Variants in EXOC6B observed in about 807,000 individuals in gnomAD.
The protein encoded by EXOC6B is exocyst complex component 6B.
Under a neutral mutation model 113.5 loss-of-function variants are expected in EXOC6B, and 54 were observed. The observed-to-expected ratio is 0.48, with a 90% CI of 0.38 to 0.60. EXOC6B has a LOEUF of 0.60. Ranked by LOEUF, EXOC6B falls within the 20% of genes least tolerant of loss-of-function variation. The pLI is 0.00. For synonymous variants in EXOC6B, 357 were observed against 339.0 expected, an observed-to-expected ratio of 1.05 and a Z score of -0.58; for missense variants, 797 against 977.5, an observed-to-expected ratio of 0.82 and a Z score of 2.46.
intron 20 of EXOC6B, among the ~76,000 whole-genome samples, chr2:72,191,003 AAC>A (rs1678795994): frequency 6.6e-6 from 1 of 152,226 alleles, no homozygotes; most frequent in South Asian, 2.1e-4. Flanking sequence ...TTTGATTTCA[AAC>A]ACAGAGTTAT....
At chr2:72,645,237 T>C (rs1573545901) in intron 6 of EXOC6B, among the ~76,000 whole-genome samples, 4 of 152,226 alleles carry the variant, frequency 2.6e-5, no homozygotes, top group Non-Finnish European at 5.9e-5. Flanking sequence ...CAAGAAGAAC[T>C]AACCATGCTA....
chr2:72,252,109 G>T (rs1354113850), intron 20 of EXOC6B, among the ~76,000 whole-genome samples: 1 of 152,064 alleles, frequency 6.6e-6, no homozygotes, highest in Non-Finnish European at 1.5e-5. Context: ...CCACATAAAT[G>T]TTGCATTATC....
chr2:72,595,113 TAGCC>T (rs1669990912), intron 6 of EXOC6B, among the ~76,000 whole-genome samples: 3 of 151,648 alleles, frequency 2.0e-5, no homozygotes, highest in African/African-American at 7.3e-5. Context: ...ACACAAAAAT[TAGCC>T]AGGCGTGGTG....
At chr2:72,579,511 G>T (rs1344871643) in intron 6 of EXOC6B, among the ~76,000 whole-genome samples, 1 of 152,148 alleles carries the variant, frequency 6.6e-6, no homozygotes, top group Non-Finnish European at 1.5e-5. Flanking sequence ...ACTTATAAAA[G>T]ACTTGACTTG....
At chr2:72,557,853 A>C (rs1703653292) in intron 8 of EXOC6B, among the ~76,000 whole-genome samples, 1 of 152,128 alleles carries the variant, frequency 6.6e-6, no homozygotes, top group East Asian at 1.9e-4. Flanking sequence ...TATTAATTTT[A>C]TTTTTGTTAA....
At chr2:72,730,072 T>C (rs1680539661) in intron 5 of EXOC6B, among the ~76,000 whole-genome samples, 1 of 152,160 alleles carries the variant, frequency 6.6e-6, no homozygotes, top group South Asian at 2.1e-4. Context: ...GCAGAGAGGT[T>C]GGAGATGCTT....
At chr2:72,327,356 C>T (rs768645230) in intron 20 of EXOC6B, among the ~76,000 whole-genome samples, 18 of 151,990 alleles carry the variant, frequency 1.2e-4, no homozygotes, top group Non-Finnish European at 2.2e-4. Context: ...AGGAGTCTAC[C>T]TCTCATAAGA....
chr2:72,461,201 A>C (rs1409699088), intron 18 of EXOC6B, among the ~76,000 whole-genome samples: 1 of 100,190 alleles, frequency 1.0e-5, no homozygotes, highest in South Asian at 4.0e-4. Flanking sequence ...CACTCTGGGG[A>C]CTGTTGTGGG....
chr2:72,414,830 C>T (rs1166799754), intron 18 of EXOC6B, among the ~76,000 whole-genome samples: 2 of 152,170 alleles, frequency 1.3e-5, no homozygotes, highest in Non-Finnish European at 2.9e-5. Context: ...TTTTGGTTAG[C>T]ACAGGATCAA....
chr2:72,560,506 T>G (rs934987211), intron 7 of EXOC6B, among the ~76,000 whole-genome samples: 1 of 152,134 alleles, frequency 6.6e-6, no homozygotes, highest in African/African-American at 2.4e-5. Flanking sequence ...TCATTTTCCC[T>G]TATTTCATAA....
intron 1 of EXOC6B, among the ~76,000 whole-genome samples, chr2:72,770,999 T>C (rs1294739761): frequency 1.3e-5 from 2 of 152,334 alleles, no homozygotes; most frequent in South Asian, 4.1e-4. Flanking sequence ...ATGATTATAG[T>C]GCTCTTCATT....
chr2:72,192,831 T>G (rs1387521796), intron 20 of EXOC6B, among the ~76,000 whole-genome samples: 2 of 152,166 alleles, frequency 1.3e-5, no homozygotes, highest in Admixed American at 6.5e-5. Context: ...AAAACCTGAA[T>G]TTGCACTTTA....
chr2:72,505,648 C>T (rs764831681), intron 11 of EXOC6B, among the ~76,000 whole-genome samples: 4 of 152,098 alleles, frequency 2.6e-5, no homozygotes, highest in Non-Finnish European at 5.9e-5. Context: ...GCTGATATCA[C>T]TGTAATAATA....
chr2:72,590,169 G>A (rs904606383), intron 6 of EXOC6B, among the ~76,000 whole-genome samples: 6 of 151,826 alleles, frequency 4.0e-5, no homozygotes, highest in African/African-American at 1.5e-4. Context: ...TGAAGGATGG[G>A]TGATTCAAAC....
chr2:72,743,984 A>G (rs941627878), intron 1 of EXOC6B, among the ~76,000 whole-genome samples: 1 of 152,158 alleles, frequency 6.6e-6, no homozygotes, highest in East Asian at 1.9e-4. Flanking sequence ...TGTATTATCT[A>G]GTGAAGTCAT....
At chr2:72,291,888 T>G (rs557936461) in intron 20 of EXOC6B, among the ~76,000 whole-genome samples, 1 of 152,210 alleles carries the variant, frequency 6.6e-6, no homozygotes, top group African/African-American at 2.4e-5. Context: ...CGCTTAACAG[T>G]GCAAAAGTCT....
At chr2:72,219,221 G>A (rs149906525) in intron 20 of EXOC6B, among the ~76,000 whole-genome samples, 34 of 152,050 alleles carry the variant, frequency 2.2e-4, no homozygotes, top group Middle Eastern at 6.8e-3. Flanking sequence ...ACTGATAACC[G>A]TTACTGGTCT....
At chr2:72,346,832 C>G (rs572046469) in intron 19 of EXOC6B, among the ~76,000 whole-genome samples, 7 of 152,172 alleles carry the variant, frequency 4.6e-5, no homozygotes, top group African/African-American at 1.7e-4. Context: ...CCTTAGTATT[C>G]CATAGACAAA....
chr2:72,329,870 G>A (rs1453293574), intron 20 of EXOC6B, among the ~76,000 whole-genome samples: 1 of 151,996 alleles, frequency 6.6e-6, no homozygotes, highest in Non-Finnish European at 1.5e-5. Context: ...TCCTATAGTT[G>A]TTTTCAAGGC....
Sources: allele counts gnomAD v4.1 joint callset (sites outside exome capture counted in the v4.1 genomes callset), GRCh38; gene constraint gnomAD v4.1.1; transcripts MANE v1.5; gene names NCBI Gene and HGNC (gene_info 2026-07-23, HGNC 2026-07-21).